Variants in MKLN1 observed in about 807,000 individuals in gnomAD.
MKLN1 encodes muskelin 1.
MKLN1 carries 18 observed loss-of-function variants against 99.0 expected under a neutral mutation model. The ratio of observed to expected loss-of-function variants is 0.18; its 90% CI spans 0.13 to 0.27. The LOEUF (loss-of-function observed/expected upper bound fraction) is 0.27, where lower values mean the gene tolerates loss of function less well. Among genes scored for constraint, MKLN1 ranks in the 10% least tolerant of loss-of-function variants. The pLI, the probability that MKLN1 is intolerant of heterozygous loss-of-function variation, is 1.00. For synonymous variants in MKLN1, 288 were observed against 293.2 expected (o/e 0.98, Z 0.18); for missense variants, 621 against 875.9 (o/e 0.71, Z 3.67).
At chr7:131,260,769 A>C (rs1797719576) in intron 3 of MKLN1, among the ~76,000 whole-genome samples, 1 of 152,218 alleles carries the variant, frequency 6.6e-6, no homozygotes, top group Non-Finnish European at 1.5e-5. Flanking sequence ...TACAATAACC[A>C]AAACAGCATG....
chr7:131,379,815 A>G lies in MKLN1; in HGVS notation c.168+4322A>G, dbSNP rs548691870. 3.9e-5 allele frequency among the ~76,000 whole-genome samples: 6 copies of G among 152,326 alleles called. No homozygotes were observed. The South Asian group carries it at 1.2e-3, about 32-fold the overall frequency. On this transcript the variant is annotated intron_variant, in intron 2 of 17. Transcript: ENST00000352689. ...ATCCCTGTATCAAAACATCTCATGT[A>G]CCCTGTAAATATATACACCTACTGT...
At chr7:131,211,678 T>C (rs1266229919) in intron 3 of MKLN1, among the ~76,000 whole-genome samples, 2 of 152,148 alleles carry the variant, frequency 1.3e-5, no homozygotes, top group Non-Finnish European at 2.9e-5. Context: ...CCAAACATTA[T>C]GTTCTGCACT....
chr7:131,270,217 G>A (rs913788218), intron 3 of MKLN1, among the ~76,000 whole-genome samples: 7 of 150,716 alleles, frequency 4.6e-5, no homozygotes, highest in African/African-American at 1.2e-4. Flanking sequence ...CCATGCACCC[G>A]GCCTATTTTT....
intron 2 of MKLN1, among the ~76,000 whole-genome samples, chr7:131,184,251 A>G (rs1469927284): frequency 6.6e-6 from 1 of 151,994 alleles, no homozygotes; most frequent in Non-Finnish European, 1.5e-5. Flanking sequence ...CCGCCTCCCT[A>G]GTAGCTGTGA....
intron 1 of MKLN1, among the ~76,000 whole-genome samples, chr7:131,368,533 C>T (rs1584659534): frequency 3.9e-5 from 6 of 152,280 alleles, no homozygotes; most frequent in Admixed American, 3.9e-4. Context: ...CAAACACCTT[C>T]TTCTCATGGC....
rs146233121 is a variant in MKLN1, at chr7:131,171,087, G to T, written c.-297+28146G>T. On this transcript the variant is annotated intron_variant, in intron 2 of 7. Transcript: ENST00000416992. ...AAACAACCCGACATCATAAAGAGAT[G>T]AATCAGAAGCCAATAGGGTTCCAAG... Among the ~76,000 whole-genome samples the T allele has an allele frequency of 1.3e-3, 199 of 152,292 alleles. 2 individuals are homozygous for T. Among genetic ancestry groups the T allele is most frequent in the African/African-American group, 4.6e-3 (192 of 41,554 alleles).
At chr7:131,397,187 A>G (rs1794385740) in intron 4 of MKLN1, 80 bp from the exon 5 acceptor site, 1 of 927,700 alleles carries the variant, frequency 1.1e-6, no homozygotes, top group South Asian at 1.6e-5. Flanking sequence ...TATAAGGTTG[A>G]ATAGTGCTTT....
chr7:131,264,438 T>C (rs1214760611), intron 3 of MKLN1, among the ~76,000 whole-genome samples: 1 of 152,202 alleles, frequency 6.6e-6, no homozygotes, highest in Non-Finnish European at 1.5e-5. Flanking sequence ...TCTTGTCTTT[T>C]AGCTACTATA....
chr7:131,387,103 G>A lies in MKLN1; in HGVS notation c.169-17G>A, dbSNP rs139648847. 1 of 1,577,212 alleles carries A rather than the reference G, an allele frequency of 6.3e-7. No homozygotes were observed. Among genetic ancestry groups the A allele is most frequent in the East Asian group, 2.3e-5 (1 of 44,416 alleles). On this transcript the variant is annotated splice_polypyrimidine_tract_variant and intron_variant, in intron 2 of 17. Transcript: ENST00000352689. ...TTTAAACAGAAGAGGATATAATTTGGTCGTTTCTTTTTTTAGTACTTGATT... is the reference window on the plus strand; with the variant it reads ...TTTAAACAGAAGAGGATATAATTTGATCGTTTCTTTTTTTAGTACTTGATT...
At chr7:131,441,762 GAA>G (rs1409035569) in intron 10 of MKLN1, among the ~76,000 whole-genome samples, 1 of 152,182 alleles carries the variant, frequency 6.6e-6, no homozygotes, top group African/African-American at 2.4e-5. Flanking sequence ...CAAAAAGAAA[GAA>G]ACTCTTTGTA....
At position 131,327,887 on chromosome 7, in the gene MKLN1, C is replaced by G. The variant is rs756174098; in HGVS notation, c.-13C>G. 7 of 1,610,472 alleles carry G rather than the reference C, an allele frequency of 4.3e-6. No individual in the cohort carries two copies. In the Admixed American group the frequency reaches 5.0e-5, roughly 12 times the overall value. On this transcript the variant is annotated 5_prime_UTR_variant, in exon 1 of 18. Transcript: ENST00000352689. Reference sequence around the variant, plus strand: ...TGCCAGCGGTCGGTGGCGGCCGCTACGGTGCTGACAAGATGGCGGCTGGCG... The same window carrying G: ...TGCCAGCGGTCGGTGGCGGCCGCTAGGGTGCTGACAAGATGGCGGCTGGCG...
At chr7:131,191,033 C>G (rs1796533276) in intron 2 of MKLN1, among the ~76,000 whole-genome samples, 1 of 152,180 alleles carries the variant, frequency 6.6e-6, no homozygotes, top group Non-Finnish European at 1.5e-5. Flanking sequence ...TGATGCTGCC[C>G]TTCTGAGGAC....
Position 131,113,018 on chromosome 7 carries a change from G to A in MKLN1, c.-419+2811G>A, listed in dbSNP as rs963553923. Among the ~76,000 whole-genome samples the A allele has an allele frequency of 3.3e-5, 5 of 152,262 alleles. No homozygotes were observed. In the East Asian group the frequency reaches 7.7e-4, roughly 23 times the overall value. ...TGCTGTGTGTCAGGTACTGTGCTGG[G>A]TGCTGGGAATACAAAGATGAATAAG... On this transcript the variant is annotated intron_variant, in intron 1 of 7. Transcript: ENST00000416992.
intron 15 of MKLN1, among the ~76,000 whole-genome samples, chr7:131,469,195 AAGAT>A (rs1035079468): frequency 1.1e-4 from 16 of 152,130 alleles, no homozygotes; most frequent in East Asian, 2.0e-4. Context: ...GAGGCATAGA[AAGAT>A]AGATGGATGG....
chr7:131,366,184 C>G (rs1800175534), intron 1 of MKLN1, among the ~76,000 whole-genome samples: 1 of 151,996 alleles, frequency 6.6e-6, no homozygotes, highest in Non-Finnish European at 1.5e-5. Context: ...ATTATCTAAC[C>G]AATTAGTGAC....
intron 3 of MKLN1, among the ~76,000 whole-genome samples, chr7:131,274,782 T>A (rs1409452434): frequency 1.3e-5 from 2 of 152,136 alleles, no homozygotes; most frequent in African/African-American, 4.8e-5. Flanking sequence ...TACGAGAACT[T>A]AGGCAAGTTT....
At chr7:131,230,477 T>G (rs950637263) in intron 3 of MKLN1, among the ~76,000 whole-genome samples, 1 of 152,220 alleles carries the variant, frequency 6.6e-6, no homozygotes, top group Non-Finnish European at 1.5e-5. Flanking sequence ...TACTTTCATA[T>G]GTAGTCCCTT....
intron 2 of MKLN1, among the ~76,000 whole-genome samples, chr7:131,162,072 T>C (rs1796063191): frequency 6.7e-6 from 1 of 149,072 alleles, no homozygotes; most frequent in Non-Finnish European, 1.5e-5. Context: ...ATCACTCTGT[T>C]ACCTAGGCCG....
At chr7:131,470,564 C>T (rs952994703) in intron 15 of MKLN1, among the ~76,000 whole-genome samples, 5 of 152,132 alleles carry the variant, frequency 3.3e-5, no homozygotes, top group African/African-American at 1.2e-4. Context: ...TTTAGTGCTA[C>T]CTTGTAGTTT....
Sources: allele counts gnomAD v4.1 joint callset (sites outside exome capture counted in the v4.1 genomes callset), GRCh38; gene constraint gnomAD v4.1.1; transcripts MANE v1.5; gene names NCBI Gene and HGNC (gene_info 2026-07-23, HGNC 2026-07-21).